Variants in SYNPR observed in about 807,000 individuals in gnomAD.
The protein encoded by SYNPR is synaptoporin.
SYNPR carries 23 observed loss-of-function variants against 32.9 expected under a neutral mutation model. The ratio of observed to expected loss-of-function variants is 0.70; its 90% CI spans 0.50 to 0.99. SYNPR has a LOEUF of 0.99. SYNPR is among the 50% of genes least tolerant of loss of function. The pLI, the probability that SYNPR is intolerant of heterozygous loss-of-function variation, is 0.00. For synonymous variants in SYNPR, 146 were observed against 135.9 expected (o/e 1.07, Z -0.52); for missense variants, 318 against 349.3 (o/e 0.91, Z 0.71).
intron 3 of SYNPR, among the ~76,000 whole-genome samples, chr3:63,510,530 A>G (rs1413308624): frequency 6.6e-6 from 1 of 152,156 alleles, no homozygotes; most frequent in African/African-American, 2.4e-5. Flanking sequence ...CTCAGTAGAA[A>G]AGAGAGGGTT....
chr3:63,367,343 T>TTATTTATTTATG (rs2087738445), intron 2 of SYNPR, among the ~76,000 whole-genome samples: 2 of 85,400 alleles, frequency 2.3e-5, no homozygotes, highest in African/African-American at 1.2e-4. Context: ...CACTGTTGAA[T>TTATTTATTTATG]TATTTATTTA....
chr3:63,453,514 G>T (rs1254870031), intron 2 of SYNPR, among the ~76,000 whole-genome samples: 4 of 152,084 alleles, frequency 2.6e-5, no homozygotes, highest in Admixed American at 6.6e-5. Context: ...AGAGAAAATG[G>T]CTGTTAGATG....
intron 4 of SYNPR, among the ~76,000 whole-genome samples, chr3:63,577,539 C>G (rs1361886869): frequency 6.6e-6 from 1 of 152,018 alleles, no homozygotes; most frequent in Non-Finnish European, 1.5e-5. Context: ...GGGGCAAATA[C>G]AGTGGGGAGC....
chr3:63,556,869 T>C, intron 4 of SYNPR, 128 bp downstream of exon 4: 1 of 932,878 alleles, frequency 1.1e-6, no homozygotes, highest in Non-Finnish European at 1.5e-6. Flanking sequence ...TTCTTTTTTA[T>C]CCAAATCTCT....
At position 63,486,765 on chromosome 3, in the gene SYNPR, G is replaced by C. The variant is rs150607405; in HGVS notation, c.209+5809G>C. Among the ~76,000 whole-genome samples the C allele has an allele frequency of 2.5e-3, 376 of 152,204 alleles. 1 individual carries two copies. Among genetic ancestry groups the C allele is most frequent in the African/African-American group, 8.3e-3 (343 of 41,536 alleles). On this transcript the variant is annotated intron_variant, in intron 3 of 5. Coordinates refer to ENST00000478300, the MANE Select transcript of SYNPR (RefSeq NM_001130003.2). Reference sequence around the variant, plus strand: ...TCAAAAACAGACAAACAAACAAATAGCTTGGTTGGAAATCAGTTACTTCAG... The same window carrying C: ...TCAAAAACAGACAAACAAACAAATACCTTGGTTGGAAATCAGTTACTTCAG...
chr3:63,542,359 G>A (rs1702320379), intron 3 of SYNPR, among the ~76,000 whole-genome samples: 1 of 152,084 alleles, frequency 6.6e-6, no homozygotes, highest in East Asian at 1.9e-4. Flanking sequence ...AACATCAGAT[G>A]CCCCCTTCGT....
At chr3:63,605,102 A>T (rs1318528414) in intron 4 of SYNPR, among the ~76,000 whole-genome samples, 4 of 152,212 alleles carry the variant, frequency 2.6e-5, no homozygotes, top group Admixed American at 6.5e-5. Flanking sequence ...GCATCCATGG[A>T]ACTGACATCT....
chr3:63,412,487 A>G (rs2088479372), intron 2 of SYNPR, among the ~76,000 whole-genome samples: 1 of 152,194 alleles, frequency 6.6e-6, no homozygotes, highest in Admixed American at 6.5e-5. Flanking sequence ...AAGGACATGG[A>G]CATAGAGGAG....
intron 4 of SYNPR, among the ~76,000 whole-genome samples, chr3:63,574,148 C>T (rs1702938574): frequency 1.3e-5 from 2 of 152,032 alleles, no homozygotes; most frequent in Admixed American, 1.3e-4. Flanking sequence ...GAAAATCTGC[C>T]CTGTAATATT....
At chr3:63,318,947 G>T (rs1343981715) in intron 2 of SYNPR, among the ~76,000 whole-genome samples, 2 of 152,014 alleles carry the variant, frequency 1.3e-5, no homozygotes, top group African/African-American at 4.8e-5. Context: ...GTCCTACAGG[G>T]TGTTCCCTTG....
chr3:63,332,271 C>G (rs1052142274), intron 2 of SYNPR, among the ~76,000 whole-genome samples: 2 of 152,220 alleles, frequency 1.3e-5, no homozygotes, highest in African/African-American at 2.4e-5. Flanking sequence ...TCAGATCCAA[C>G]CTCCCTTGCA....
chr3:63,344,266 G>C (rs1045197874), intron 2 of SYNPR, among the ~76,000 whole-genome samples: 2 of 152,050 alleles, frequency 1.3e-5, no homozygotes, highest in African/African-American at 2.4e-5. Flanking sequence ...TTTTCCATTT[G>C]ACCCAGTTGT....
chr3:63,530,243 C>T (rs1208242902), intron 3 of SYNPR, among the ~76,000 whole-genome samples: 2 of 152,142 alleles, frequency 1.3e-5, no homozygotes, highest in Non-Finnish European at 2.9e-5. Context: ...CAGCAAATTA[C>T]GCAGCCTATT....
At chr3:63,467,602 A>T (rs1361570156) in intron 2 of SYNPR, among the ~76,000 whole-genome samples, 1 of 152,248 alleles carries the variant, frequency 6.6e-6, no homozygotes, top group Non-Finnish European at 1.5e-5. Context: ...CACTTGGCAC[A>T]TTGCCAGATA....
intron 2 of SYNPR, among the ~76,000 whole-genome samples, chr3:63,413,656 C>G (rs969061072): frequency 6.6e-6 from 1 of 152,164 alleles, no homozygotes; most frequent in Non-Finnish European, 1.5e-5. Flanking sequence ...AATAGCAACA[C>G]TCTGCATACT....
At chr3:63,204,005 A>G in the SYNPR span, among the ~76,000 whole-genome samples, 1 of 151,896 alleles carries the variant, frequency 6.6e-6, no homozygotes, top group African/African-American at 2.4e-5. Flanking sequence ...CATCTCAAAA[A>G]CAAAAACAAA....
intron 2 of SYNPR, among the ~76,000 whole-genome samples, chr3:63,472,310 A>G (rs992095018): frequency 6.6e-6 from 1 of 152,158 alleles, no homozygotes; most frequent in Non-Finnish European, 1.5e-5. Flanking sequence ...TTCACTTAGG[A>G]GTAGATCATG....
At chr3:63,479,374 C>G (rs78897817) in intron 2 of SYNPR, among the ~76,000 whole-genome samples, 1 of 152,072 alleles carries the variant, frequency 6.6e-6, no homozygotes, top group Non-Finnish European at 1.5e-5. Context: ...ATCCTTATAT[C>G]TTTTGGTCAA....
intron 1 of SYNPR, among the ~76,000 whole-genome samples, chr3:63,236,147 G>A (rs2086198968): frequency 6.6e-6 from 1 of 151,256 alleles, no homozygotes; most frequent in East Asian, 1.9e-4. Flanking sequence ...TTCCTTCAAT[G>A]CATTGCTTTT....
Sources: gnomAD v4.1 joint callset for allele counts (sites outside exome capture counted in the v4.1 genomes callset) on GRCh38, gnomAD v4.1.1 for gene constraint, MANE v1.5 for transcripts, NCBI Gene and HGNC (gene_info 2026-07-23, HGNC 2026-07-21) for gene names.